The following MEOX2 variants were observed in gnomAD, a reference collection of about 807,000 sequenced individuals.
MEOX2 encodes homeobox protein MOX-2.
Under a neutral mutation model 27.0 loss-of-function variants are expected in MEOX2, and 11 were observed. The observed-to-expected ratio is 0.41, with a 90% confidence interval of 0.26 to 0.68. The LOEUF (loss-of-function observed/expected upper bound fraction) is 0.68, where lower values mean the gene tolerates loss of function less well. Ranked by LOEUF, MEOX2 falls within the 30% of genes least tolerant of loss-of-function variation. The pLI, the probability that MEOX2 is intolerant of heterozygous loss-of-function variation, is 0.33. For synonymous variants in MEOX2, 189 were observed against 155.4 expected (o/e 1.22, Z -1.61); for missense variants, 436 against 385.4 (o/e 1.13, Z -1.10).
intron 2 of MEOX2, among the ~76,000 whole-genome samples, chr7:15,623,528 C>A (rs146516868): frequency 6.6e-6 from 1 of 152,074 alleles, no homozygotes; most frequent in African/African-American, 2.4e-5. Flanking sequence ...TGCCACCACG[C>A]CTGGCTCATT....
intron 1 of MEOX2, among the ~76,000 whole-genome samples, chr7:15,641,199 C>T (rs1781554905): frequency 6.6e-6 from 1 of 152,008 alleles, no homozygotes; most frequent in Non-Finnish European, 1.5e-5. Context: ...AATTTCATAA[C>T]TCATTATTTG....
intron 1 of MEOX2, among the ~76,000 whole-genome samples, chr7:15,630,495 C>T (rs1258160376): frequency 6.6e-6 from 1 of 151,942 alleles, no homozygotes; most frequent in Non-Finnish European, 1.5e-5. Context: ...AACGTATTAG[C>T]TCGTTTAAAT....
At chr7:15,633,681 G>A (rs902230508) in intron 1 of MEOX2, among the ~76,000 whole-genome samples, 4 of 151,864 alleles carry the variant, frequency 2.6e-5, no homozygotes, top group Non-Finnish European at 4.4e-5. Flanking sequence ...CATTTCTTTA[G>A]CAAGTCATCA....
intron 1 of MEOX2, among the ~76,000 whole-genome samples, chr7:15,645,391 A>T (rs1781625253): frequency 1.3e-5 from 2 of 152,230 alleles, no homozygotes; most frequent in South Asian, 2.1e-4. Flanking sequence ...CATTGAGAAA[A>T]GATATCAAGG....
At chr7:15,649,905 A>G (rs1180590168) in intron 1 of MEOX2, among the ~76,000 whole-genome samples, 1 of 152,118 alleles carries the variant, frequency 6.6e-6, no homozygotes, top group Non-Finnish European at 1.5e-5. Flanking sequence ...TAAGCAAGGC[A>G]GAGGTCTCCA....
Position 15,686,416 on chromosome 7 carries a change from CG to C in MEOX2, c.-15del. 6.4e-7 allele frequency: 1 copy of C among 1,556,632 alleles called. No individual in the cohort carries two copies. The highest frequency in any genetic ancestry group is 1.2e-5 in the South Asian group (1 of 84,528). ...CGGGTGTTCCATAGCATGCAAGTTT[CG>C]GGTTCCAGGCAGAAGACTTCACGGC... is the stretch of plus-strand genomic sequence containing the variant. On this transcript the variant is annotated 5_prime_UTR_variant, in exon 1 of 3. Coordinates refer to ENST00000262041, the MANE Select transcript of MEOX2 (RefSeq NM_005924.5).
At chr7:15,638,930 C>G (rs138098901) in intron 1 of MEOX2, among the ~76,000 whole-genome samples, 2 of 152,148 alleles carry the variant, frequency 1.3e-5, no homozygotes, top group African/African-American at 4.8e-5. Flanking sequence ...GTGAATAGTG[C>G]TGTGATAAAC....
intron 1 of MEOX2, among the ~76,000 whole-genome samples, chr7:15,629,725 A>G (rs527690331): frequency 3.6e-4 from 55 of 152,106 alleles, no homozygotes; most frequent in Non-Finnish European, 4.6e-4. Flanking sequence ...TTGGAATTGC[A>G]TTTCTGGATT....
rs79349223 is a variant in MEOX2 at position 15,630,547 on chromosome 7, A to T, written c.518-3629T>A. Among the ~76,000 whole-genome samples the T allele has an allele frequency of 2.6e-5, 4 of 152,156 alleles. No individual in the cohort carries two copies. The East Asian group carries it at 7.7e-4, about 29-fold the overall frequency. On this transcript the variant is annotated intron_variant, in intron 1 of 2. Coordinates refer to ENST00000262041, the MANE Select transcript of MEOX2 (RefSeq NM_005924.5). The stretch of plus-strand genomic sequence containing the variant: ...CTATGTCTGTAAAATATCAAAATGG[A>T]ATGGAATGTCTGTATAGCTTGGACT...
At chr7:15,682,322 T>C (rs910177553) in intron 1 of MEOX2, among the ~76,000 whole-genome samples, 1 of 151,836 alleles carries the variant, frequency 6.6e-6, no homozygotes, top group Non-Finnish European at 1.5e-5. Flanking sequence ...TATTACAATA[T>C]CATACTGAAT....
intron 1 of MEOX2, among the ~76,000 whole-genome samples, chr7:15,652,211 A>G (rs984573096): frequency 6.6e-6 from 1 of 152,074 alleles, no homozygotes; most frequent in Non-Finnish European, 1.5e-5. Context: ...CAAAAGAACT[A>G]TTAGGTAAAT....
In MEOX2 at chr7:15,660,739, G is replaced by A. The variant is rs547829695; in HGVS notation, c.517+25147C>T. ...CACCATTGCTTTAAAAATGAGAAAG[G>A]AGCCAGGCGTGGTGGCTCATGCCTC... On this transcript the variant is annotated intron_variant, in intron 1 of 2. Coordinates refer to ENST00000262041, the MANE Select transcript of MEOX2 (RefSeq NM_005924.5). Among the ~76,000 whole-genome samples, 20 of 152,098 alleles carry A rather than the reference G, an allele frequency of 1.3e-4. No individual in the cohort carries two copies. In the East Asian group the frequency reaches 3.9e-3, roughly 30 times the overall value.
chr7:15,682,131 G>C (rs182542603), intron 1 of MEOX2, among the ~76,000 whole-genome samples: 1 of 150,838 alleles, frequency 6.6e-6, no homozygotes, highest in Admixed American at 6.6e-5. Flanking sequence ...ATAAAGAATG[G>C]AAGTTTTTTT....
chr7:15,636,560 T>C (rs1781480983), intron 1 of MEOX2, among the ~76,000 whole-genome samples: 1 of 152,050 alleles, frequency 6.6e-6, no homozygotes, highest in Admixed American at 6.6e-5. Flanking sequence ...ATCTGCATTA[T>C]AATCAAATTG....
intron 1 of MEOX2, among the ~76,000 whole-genome samples, chr7:15,661,829 C>A (rs901835871): frequency 6.6e-6 from 1 of 152,122 alleles, no homozygotes; most frequent in African/African-American, 2.4e-5. Context: ...TAAGCATTGA[C>A]AAATTATTCA....
intron 1 of MEOX2, among the ~76,000 whole-genome samples, chr7:15,651,192 C>T (rs1469146495): frequency 6.6e-6 from 1 of 151,950 alleles, no homozygotes; most frequent in Non-Finnish European, 1.5e-5. Flanking sequence ...GAATGTCTAA[C>T]TTTGGTATGT....
intron 1 of MEOX2, among the ~76,000 whole-genome samples, chr7:15,661,012 C>CAAAAAAAAAAAAAAAAAAAAAA (rs71004402): frequency 2.3e-5 from 1 of 44,334 alleles, no homozygotes; most frequent in African/African-American, 8.3e-5. Flanking sequence ...GACTCAGTCT[C>CAAAAAAAAAAAAAAAAAAAAAA]AAAAAAAAAA....
At chr7:15,655,016 A>G (rs1781796355) in intron 1 of MEOX2, among the ~76,000 whole-genome samples, 4 of 151,780 alleles carry the variant, frequency 2.6e-5, no homozygotes, top group African/African-American at 9.6e-5. Context: ...GGGCCTGTAT[A>G]TATTTTTTTT....
At chr7:15,659,526 T>G (rs554327447) in intron 1 of MEOX2, among the ~76,000 whole-genome samples, 2 of 152,062 alleles carry the variant, frequency 1.3e-5, no homozygotes, top group South Asian at 4.1e-4. Flanking sequence ...TTTGGGAGGC[T>G]GAGGCGGGTG....
Sources: gnomAD v4.1 joint callset for allele counts (sites outside exome capture counted in the v4.1 genomes callset) on GRCh38, gnomAD v4.1.1 for gene constraint, MANE v1.5 for transcripts, NCBI Gene and HGNC (gene_info 2026-07-23, HGNC 2026-07-21) for gene names.